The following PCDHGA6 variants were observed in gnomAD, a reference collection of about 807,000 sequenced individuals.
The protein encoded by PCDHGA6 is protocadherin gamma subfamily A, 6.
Under a neutral mutation model 60.6 loss-of-function variants are expected in PCDHGA6, and 41 were observed. The observed-to-expected ratio is 0.68, with a 90% CI of 0.53 to 0.88. PCDHGA6 has a LOEUF of 0.88. PCDHGA6 is among the 40% of genes least tolerant of loss of function. The pLI is 0.00. For missense variants in PCDHGA6, 1,312 were observed against 1,203.0 expected (o/e 1.09, Z -1.34); for synonymous variants, 594 against 524.4 (o/e 1.13, Z -1.81).
chr5:141,375,182 G>C lies in PCDHGA6; in HGVS notation c.1099G>C (p.Ala367Pro). Residue 367 changes from alanine (A) to proline (P), a missense_variant, in exon 1 of 4, where the codon GCC becomes CCC. Ala to Pro is a conservative substitution (Grantham distance 27, BLOSUM62 -1). Transcript: ENST00000517434. ...AESAPPGTVI[A>P]LFQVFDRDSG... ...AAGTGCACCTCCAGGAACAGTAATCGCCCTTTTTCAAGTGTTCGATCGAGA... is the reference window on the plus strand; with the variant it reads ...AAGTGCACCTCCAGGAACAGTAATCCCCCTTTTTCAAGTGTTCGATCGAGA... 6.2e-7 allele frequency: 1 copy of C among 1,613,936 alleles called. No individual in the cohort carries two copies. The highest frequency in any genetic ancestry group is 8.5e-7 in the Non-Finnish European group (1 of 1,179,894).
At chr5:141,427,495 C>A in intron 1 of PCDHGA6, 2 of 562,648 alleles carry the variant, frequency 3.6e-6, no homozygotes, top group South Asian at 1.5e-5. Flanking sequence ...AAGCTTGTAA[C>A]AGATGGGACC....
rs745612756 is a variant in PCDHGA6 at position 141,487,150 on chromosome 5, T to C, written c.2425-7657T>C. The C allele has an allele frequency of 1.1e-5, 17 of 1,613,960 alleles. No individual in the cohort carries two copies. In the South Asian group the frequency reaches 1.6e-4, roughly 16 times the overall value. On this transcript the variant is annotated intron_variant, in intron 1 of 3. Transcript: ENST00000517434. This position sits in a 1 kb window ranked among gnomAD's most constrained non-coding sequence, Gnocchi z 5.0. The stretch of plus-strand genomic sequence containing the variant: ...GTAGTCCACCACTCTCTACCTCTGT[T>C]ACTCTCTTAGTGTCCTTAGAGGAAG...
At chr5:141,394,513 T>C in intron 1 of PCDHGA6, 1 of 1,614,112 alleles carries the variant, frequency 6.2e-7, no homozygotes, top group Non-Finnish European at 8.5e-7. Flanking sequence ...TACCCCGCCC[T>C]CCCCACAGAC....
chr5:141,497,413 T>C (rs572922456), intron 2 of PCDHGA6, among the ~76,000 whole-genome samples: 8 of 152,046 alleles, frequency 5.3e-5, no homozygotes, highest in Admixed American at 5.2e-4. Context: ...TCCCATTCCA[T>C]CAAATGAGAG....
chr5:141,429,374 TG>T (rs2097206438), intron 1 of PCDHGA6, among the ~76,000 whole-genome samples: 1 of 145,410 alleles, frequency 6.9e-6, no homozygotes, highest in South Asian at 2.2e-4. Context: ...ATGGAGAAAA[TG>T]TGTTTTTTTT....
intron 1 of PCDHGA6, among the ~76,000 whole-genome samples, chr5:141,447,688 G>A (rs188511217): frequency 1.4e-4 from 22 of 152,258 alleles, no homozygotes; most frequent in African/African-American, 4.3e-4. Context: ...TATCTTGATA[G>A]AGGGATGGGT....
In PCDHGA6 at chr5:141,392,907, C is replaced by T. The variant is rs746317747; in HGVS notation, c.2424+16400C>T. The T allele has an allele frequency of 5.6e-6, 9 of 1,613,824 alleles. No homozygotes were observed. In the East Asian group the frequency reaches 1.8e-4, roughly 32 times the overall value. On this transcript the variant is annotated intron_variant, in intron 1 of 3. Coordinates refer to ENST00000517434, the MANE Select transcript of PCDHGA6 (RefSeq NM_018919.3). Reference sequence around the variant, plus strand: ...GTGGGAAATCGGGAGGGGACAGATTCGCTACTCTGTGCCAGAAGAGACGGA... The same window carrying T: ...GTGGGAAATCGGGAGGGGACAGATTTGCTACTCTGTGCCAGAAGAGACGGA...
At chr5:141,448,862 G>A (rs1406203589) in intron 1 of PCDHGA6, among the ~76,000 whole-genome samples, 2 of 151,996 alleles carry the variant, frequency 1.3e-5, no homozygotes, top group African/African-American at 2.4e-5. Context: ...GGAGAATGGC[G>A]TGAACCTGGG....
chr5:141,403,273 A>C, intron 1 of PCDHGA6: 1 of 1,613,886 alleles, frequency 6.2e-7, no homozygotes, highest in African/African-American at 1.3e-5. Context: ...TGAACTTTAA[A>C]GTCCTGGTTG....
intron 1 of PCDHGA6, chr5:141,390,668 A>C: frequency 5.2e-6 from 1 of 191,616 alleles, no homozygotes; most frequent in South Asian, 1.1e-4. Flanking sequence ...ATAAATATAA[A>C]AATAATAAAG....
At chr5:141,445,148 C>A (rs1051995635) in intron 1 of PCDHGA6, among the ~76,000 whole-genome samples, 3 of 152,092 alleles carry the variant, frequency 2.0e-5, no homozygotes, top group Non-Finnish European at 4.4e-5. Context: ...TCTAATTGTT[C>A]ATTTCTAGTT....
At chr5:141,427,812 G>C (rs1380721111) in intron 1 of PCDHGA6, 1 of 1,524,406 alleles carries the variant, frequency 6.6e-7, no homozygotes, top group Non-Finnish European at 9.0e-7. Flanking sequence ...CGCACAGAGC[G>C]GGGTGGTGGT....
At chr5:141,466,508 T>C (rs2099123841) in intron 1 of PCDHGA6, among the ~76,000 whole-genome samples, 1 of 152,190 alleles carries the variant, frequency 6.6e-6, no homozygotes, top group African/African-American at 2.4e-5. Context: ...ACAGACAAGA[T>C]CATTTTTTTT....
rs113065470 is a variant in PCDHGA6 at position 141,401,000 on chromosome 5, C to A, written c.2424+24493C>A. 4.1e-3 allele frequency among the ~76,000 whole-genome samples: 629 copies of A among 152,216 alleles called. 6 individuals are homozygous for A. The highest frequency in any genetic ancestry group is 0.014 in the African/African-American group (590 of 41,530). On this transcript the variant is annotated intron_variant, in intron 1 of 3. Coordinates refer to ENST00000517434, the MANE Select transcript of PCDHGA6 (RefSeq NM_018919.3). ...TGTTCCTCATATATGCTTTCTTATT[C>A]CTACCTAATGGATTTATGATTTTTT...
Position 141,475,971 on chromosome 5 carries a change from C to G in PCDHGA6, c.2425-18836C>G, listed in dbSNP as rs750016455. On this transcript the variant is annotated intron_variant, in intron 1 of 3. Coordinates refer to ENST00000517434, the MANE Select transcript of PCDHGA6 (RefSeq NM_018919.3). The stretch of plus-strand genomic sequence containing the variant: ...TCTGCGCCCCGGGATGAGGCAGAGA[C>G]TGAACAGCCGGCGAGCAAATCAACG... 2.5e-5 allele frequency: 24 copies of G among 954,292 alleles called. No individual in the cohort carries two copies. In the African/African-American group the frequency reaches 3.4e-4, roughly 14 times the overall value. 59.1% of individuals were successfully genotyped at this position (954,292 alleles called of 1,614,324 possible). A position where few individuals can be genotyped will look rare whatever the true frequency, so the allele number is the denominator to read the frequency against.
At chr5:141,478,563 C>G (rs1484075735) in intron 1 of PCDHGA6, 16 of 1,596,154 alleles carry the variant, frequency 1.0e-5, no homozygotes, top group African/African-American at 1.3e-5. Context: ...TTTAGCAAGT[C>G]ATGCTTGACC....
At chr5:141,412,931 T>A in intron 1 of PCDHGA6, 1 of 453,226 alleles carries the variant, frequency 2.2e-6, no homozygotes, top group Non-Finnish European at 3.9e-6. Context: ...CAGTAACTTC[T>A]TAGGACTCTG....
intron 1 of PCDHGA6, among the ~76,000 whole-genome samples, chr5:141,437,614 A>G (rs113599071): frequency 3.1e-4 from 47 of 152,242 alleles, no homozygotes; most frequent in Non-Finnish European, 5.1e-4. Flanking sequence ...AATCTGCTTT[A>G]TCCCCATATA....
At chr5:141,447,400 A>G (rs904985523) in intron 1 of PCDHGA6, among the ~76,000 whole-genome samples, 1 of 152,090 alleles carries the variant, frequency 6.6e-6, no homozygotes, top group Non-Finnish European at 1.5e-5. Flanking sequence ...GGCCTCCCAA[A>G]GTGCTGGGAT....
Sources: allele counts gnomAD v4.1 joint callset (sites outside exome capture counted in the v4.1 genomes callset), GRCh38; gene constraint gnomAD v4.1.1; non-coding constraint Gnocchi (gnomAD v3.1); transcripts MANE v1.5; gene names NCBI Gene and HGNC (gene_info 2026-07-23, HGNC 2026-07-21).